The following TDRD1 variants were observed in gnomAD, a reference collection of about 807,000 sequenced individuals.
TDRD1 encodes the protein tudor domain-containing protein 1.
TDRD1 carries 37 observed loss-of-function variants against 140.6 expected under a neutral mutation model. The ratio of observed to expected loss-of-function variants is 0.26; its 90% CI spans 0.20 to 0.35. The LOEUF (loss-of-function observed/expected upper bound fraction) is 0.35. Among genes scored for constraint, TDRD1 ranks in the 10% least tolerant of loss-of-function variants. TDRD1 has a pLI of 1.00. For missense variants in TDRD1, 1,243 were observed against 1,393.0 expected (o/e 0.89, Z 1.71); for synonymous variants, 506 against 475.7 (o/e 1.06, Z -0.83).
intron 5 of TDRD1, 45 bp from the exon 6 acceptor site, chr10:114,202,193 A>G: frequency 6.7e-7 from 1 of 1,486,438 alleles, no homozygotes; most frequent in Non-Finnish European, 9.2e-7. Flanking sequence ...CCCTATGTTA[A>G]TTGCCTCTGT....
intron 10 of TDRD1, among the ~76,000 whole-genome samples, chr10:114,205,521 T>A (rs2035041169): frequency 6.6e-6 from 1 of 152,222 alleles, no homozygotes; most frequent in African/African-American, 2.4e-5. Context: ...TTCAGGGAAC[T>A]TGAAGTTTGG....
At position 114,188,712 on chromosome 10, in the gene TDRD1, C is replaced by G. The variant is rs566945912; in HGVS notation, c.325+556C>G. Among the ~76,000 whole-genome samples the G allele has an allele frequency of 2.3e-4, 35 of 152,046 alleles. 1 individual carries two copies. The highest frequency in any genetic ancestry group is 4.2e-4 in the South Asian group (2 of 4,810). ...TCTCTACTAAAAATACAGAAACTAG[C>G]CGGGCGTGGTGGCACAAGCCTGTAG... On this transcript the variant is annotated intron_variant, in intron 2 of 25. Coordinates refer to ENST00000251864, the Ensembl canonical transcript of TDRD1.
intron 11 of TDRD1, among the ~76,000 whole-genome samples, chr10:114,206,770 C>A (rs1192787180): frequency 6.6e-6 from 1 of 151,972 alleles, no homozygotes; most frequent in Non-Finnish European, 1.5e-5. Flanking sequence ...CCCGCTAGCA[C>A]GCCCAGCTAA....
At chr10:114,206,277 G>T in exon 11 of TDRD1, 1 of 1,613,550 alleles carries the variant, frequency 6.2e-7, no homozygotes. Flanking sequence ...ATAGAAATGG[G>T]ATATGGCTTG....
At position 114,204,649 on chromosome 10, in the gene TDRD1, T is replaced by G. The variant is rs146333431; in HGVS notation, c.1126-73T>G. On this transcript the variant is annotated intron_variant, in intron 9 of 25. Transcript: ENST00000251864. Reference sequence around the variant, plus strand: ...AGTTTTCAGCATGAAATACATTCTTTTATATACAAATAATTAGAAAAAATC... The same window carrying G: ...AGTTTTCAGCATGAAATACATTCTTGTATATACAAATAATTAGAAAAAATC... 1.5e-5 allele frequency: 21 copies of G among 1,412,388 alleles called. No homozygotes were observed. In the Admixed American group the frequency reaches 5.5e-4, roughly 37 times the overall value. The allele number at this position is 1,412,388 out of a possible 1,614,324, so 87.5% of individuals were successfully genotyped here. A position where few individuals can be genotyped will look rare whatever the true frequency, so the allele number is the denominator to read the frequency against.
intron 4 of TDRD1, among the ~76,000 whole-genome samples, chr10:114,200,273 C>G (rs1455705858): frequency 6.6e-6 from 1 of 152,146 alleles, no homozygotes; most frequent in African/African-American, 2.4e-5. Context: ...GCAGTTTTTT[C>G]TGTTTATTAC....
chr10:114,206,392 T>C, intron 11 of TDRD1, 62 bp downstream of exon 11: 1 of 1,324,362 alleles, frequency 7.6e-7, no homozygotes, highest in Non-Finnish European at 1.1e-6. Context: ...ATCTACCTAC[T>C]AAACAAAGGC....
chr10:114,179,606 C>CT (rs1589646227), intron 1 of TDRD1, 190 bp downstream of exon 1: 1 of 152,338 alleles, frequency 6.6e-6, no homozygotes, highest in East Asian at 1.9e-4. Flanking sequence ...GGAGGATTCT[C>CT]TGAGTTTGGA....
intron 3 of TDRD1, among the ~76,000 whole-genome samples, chr10:114,197,732 A>G (rs897797592): frequency 2.0e-5 from 3 of 150,158 alleles, no homozygotes; most frequent in Non-Finnish European, 4.4e-5. Flanking sequence ...ATCTCAGCTC[A>G]CTGCAACCTC....
At chr10:114,230,335 CCTGA>C (rs776284176) in intron 25 of TDRD1, among the ~76,000 whole-genome samples, 1 of 152,170 alleles carries the variant, frequency 6.6e-6, no homozygotes, top group Non-Finnish European at 1.5e-5. Flanking sequence ...CTGGATTTTT[CCTGA>C]CTGTGGGAAT....
At chr10:114,228,444 G>T in intron 25 of TDRD1, 2 of 1,055,142 alleles carry the variant, frequency 1.9e-6, no homozygotes, top group Non-Finnish European at 2.3e-6. Context: ...GTGACATAAA[G>T]CTTAGCCTCA....
intron 24 of TDRD1, 28 bp from the exon 25 acceptor site, chr10:114,228,010 A>G: frequency 6.2e-7 from 1 of 1,610,648 alleles, no homozygotes; most frequent in Non-Finnish European, 8.5e-7. Flanking sequence ...TTAGAAATTA[A>G]ATCATATGGT....
Position 114,227,318 on chromosome 10 carries a change from A to G in TDRD1, c.3403+19A>G. The stretch of plus-strand genomic sequence containing the variant: ...AATACAGGTATTCTTTTCAAGTGTT[A>G]TTAATAACAGATGTTAAGTGTGAGG... On this transcript the variant is annotated intron_variant, in intron 23 of 25. Transcript: ENST00000251864. 6.6e-7 allele frequency: 1 copy of G among 1,515,360 alleles called. No individual in the cohort carries two copies. The highest frequency in any genetic ancestry group is 9.2e-7 in the Non-Finnish European group (1 of 1,090,944). 93.9% of individuals were successfully genotyped at this position (1,515,360 alleles called of 1,614,324 possible).
At chr10:114,185,529 C>T (rs1315131960) in intron 1 of TDRD1, among the ~76,000 whole-genome samples, 1 of 151,782 alleles carries the variant, frequency 6.6e-6, no homozygotes, top group Admixed American at 6.6e-5. Flanking sequence ...TCACGTGTCT[C>T]AATAGTTTCT....
Position 114,196,833 on chromosome 10 carries a change from C to CTTTTTTTTTTTTTT in TDRD1, c.385-2323_385-2310dup, listed in dbSNP as rs36124319. On this transcript the variant is annotated intron_variant, in intron 3 of 25. Coordinates refer to ENST00000251864, the Ensembl canonical transcript of TDRD1. Reference sequence around the variant, plus strand: ...ACCAAATTTGGAAGTTTCTAGCAGTCTTTTTTTTTTTTTTTTTTTTTTTTT... The same window carrying CTTTTTTTTTTTTTT: ...ACCAAATTTGGAAGTTTCTAGCAGTCTTTTTTTTTTTTTTTTTTTTTTTTTTTTTTTTTTTTTTT... Among the ~76,000 whole-genome samples, 23 of 48,352 alleles carry CTTTTTTTTTTTTTT rather than the reference C, an allele frequency of 4.8e-4. 5 individuals are homozygous for CTTTTTTTTTTTTTT. Among genetic ancestry groups the CTTTTTTTTTTTTTT allele is most frequent in the Non-Finnish European group, 6.4e-4 (18 of 28,098 alleles). The allele number at this position is 48,352 out of a possible 152,430, so 31.7% of individuals were successfully genotyped here.
At chr10:114,181,673 C>T (rs888978856) in intron 1 of TDRD1, among the ~76,000 whole-genome samples, 10 of 151,952 alleles carry the variant, frequency 6.6e-5, no homozygotes, top group East Asian at 1.9e-4. Context: ...GGTGAAACCC[C>T]GTCTCTACTA....
chr10:114,207,828 A>C (rs2035225287), intron 11 of TDRD1, among the ~76,000 whole-genome samples: 1 of 151,914 alleles, frequency 6.6e-6, no homozygotes, highest in South Asian at 2.1e-4. Context: ...GAACAAGAAA[A>C]CCACTGAGCA....
chr10:114,227,034 A>G (rs2036477505), intron 22 of TDRD1, 38 bp from the exon 23 acceptor site: 1 of 1,056,614 alleles, frequency 9.5e-7, no homozygotes, highest in Admixed American at 2.5e-5. Flanking sequence ...CTGTCTTTTT[A>G]AAAGGGACTA....
At chr10:114,203,214 A>G in intron 7 of TDRD1, 38 bp downstream of exon 7, 1 of 1,531,992 alleles carries the variant, frequency 6.5e-7, no homozygotes, top group Non-Finnish European at 9.0e-7. Context: ...ACACAGATCC[A>G]GAGAACTGTA....
Sources: gnomAD v4.1 joint callset for allele counts (sites outside exome capture counted in the v4.1 genomes callset) on GRCh38, gnomAD v4.1.1 for gene constraint, MANE v1.5 for transcripts, NCBI Gene and HGNC (gene_info 2026-07-23, HGNC 2026-07-21) for gene names.